ENOX2: variants seen among roughly 807,000 people sequenced by gnomAD.
The protein encoded by ENOX2 is ecto-NOX disulfide-thiol exchanger 2.
In ENOX2, 36 loss-of-function variants were observed where a neutral mutation model predicts 45.0. The observed-to-expected ratio is 0.80, with a 90% CI of 0.61 to 1.06. The LOEUF is 1.06. ENOX2 is among the 50% of genes least tolerant of loss of function. The probability of loss-of-function intolerance (pLI) is 0.00; values close to 1 mark genes in which losing one functional copy is unlikely to be tolerated. For missense variants in ENOX2, 423 were observed against 462.5 expected (o/e 0.91, Z 0.78); for synonymous variants, 174 against 152.3 (o/e 1.14, Z -1.05).
intron 5 of ENOX2, among the ~76,000 whole-genome samples, chrX:130,680,675 T>C (rs769635870): frequency 1.8e-5 from 2 of 112,677 alleles, no homozygotes; most frequent in Non-Finnish European, 1.9e-5. Flanking sequence ...TTTTCTAGTG[T>C]TGGTTTTGTA....
intron 4 of ENOX2, among the ~76,000 whole-genome samples, chrX:130,698,021 G>A (rs983895369): frequency 9.0e-6 from 1 of 111,279 alleles, no homozygotes; most frequent in Non-Finnish European, 1.9e-5. Context: ...ATAGGACCTC[G>A]TTCTTTGTGG....
chrX:130,775,677 G>C (rs2039840014), intron 3 of ENOX2, among the ~76,000 whole-genome samples: 1 of 111,375 alleles, frequency 9.0e-6, no homozygotes, highest in Non-Finnish European at 1.9e-5. Flanking sequence ...TACATTTGAA[G>C]CTAGAGGTGG....
At chrX:130,723,449 T>C (rs1326692407) in intron 3 of ENOX2, among the ~76,000 whole-genome samples, 1 of 112,514 alleles carries the variant, frequency 8.9e-6, no homozygotes, top group African/African-American at 3.2e-5. Flanking sequence ...TTCATTATGA[T>C]GATTCATCTC....
At chrX:130,664,860 G>C (rs923665326) in intron 9 of ENOX2, among the ~76,000 whole-genome samples, 2 of 112,629 alleles carry the variant, frequency 1.8e-5, no homozygotes, top group Admixed American at 1.9e-4. Context: ...TACATGGATA[G>C]ATATAATGGG....
chrX:130,789,713 G>A (rs187587300), intron 2 of ENOX2, among the ~76,000 whole-genome samples: 108 of 112,516 alleles, frequency 9.6e-4, no homozygotes, highest in Non-Finnish European at 1.6e-3. Context: ...TCAGATATGA[G>A]ATTCCATGTT....
intron 3 of ENOX2, among the ~76,000 whole-genome samples, chrX:130,731,400 G>A (rs115304200): frequency 0.022 from 2,477 of 111,421 alleles, 62 homozygotes; most frequent in African/African-American, 0.075. Flanking sequence ...TGTTGCCAGG[G>A]GTAACAAAAG....
chrX:130,802,267 T>C (rs760295123), intron 2 of ENOX2, among the ~76,000 whole-genome samples: 152 of 112,237 alleles, frequency 1.4e-3, no homozygotes, highest in African/African-American at 4.5e-3. Context: ...GCAAGCCACA[T>C]TATTTTTTTT....
rs202188329 is a variant in ENOX2 at position 130,679,555 on chromosome X, G to T, written c.447C>A (p.Ala149=). Residue 149 remains alanine (A), a synonymous_variant, in exon 6 of 15, where the codon GCC becomes GCA. Transcript: ENST00000394363. ...RFAEEYMVDK[A]LYLSGYRIRL... ...CTAAACACCTACCAGACAGATACAG[G>T]GCTTTGTCCACCATGTACTCCTCAG... 8.3e-7 allele frequency: 1 copy of T among 1,206,098 alleles called. No homozygotes were observed. The highest frequency in any genetic ancestry group is 2.2e-5 in the Admixed American group (1 of 45,815).
chrX:130,881,872 G>A (rs1168845263), intron 2 of ENOX2, among the ~76,000 whole-genome samples: 3 of 111,602 alleles, frequency 2.7e-5, no homozygotes, highest in East Asian at 2.8e-4. Context: ...CTCATGCTTC[G>A]GAACAGCTCG....
chrX:130,647,887 A>G (rs1467129650), intron 10 of ENOX2, among the ~76,000 whole-genome samples: 4 of 111,440 alleles, frequency 3.6e-5, no homozygotes, highest in African/African-American at 1.3e-4. Context: ...CCTCCCTTAA[A>G]TAAGTTTTCT....
intron 2 of ENOX2, among the ~76,000 whole-genome samples, chrX:130,825,092 A>C (rs2077693269): frequency 9.0e-6 from 1 of 111,604 alleles, no homozygotes; most frequent in African/African-American, 3.2e-5. Flanking sequence ...TAATAGTAAA[A>C]AATGAGAAGC....
intron 3 of ENOX2, among the ~76,000 whole-genome samples, chrX:130,747,551 C>A (rs868481058): frequency 8.9e-6 from 1 of 112,319 alleles, no homozygotes; most frequent in Non-Finnish European, 1.9e-5. Context: ...TCTGAATTTG[C>A]TTTGGAGTTT....
chrX:130,644,107 T>G (rs2036159687), intron 10 of ENOX2, among the ~76,000 whole-genome samples: 2 of 111,040 alleles, frequency 1.8e-5, no homozygotes, highest in African/African-American at 6.5e-5. Flanking sequence ...AAAAGAAATC[T>G]CAAGAAAAAT....
At chrX:130,698,778 C>T (rs1049062986) in intron 4 of ENOX2, among the ~76,000 whole-genome samples, 1 of 111,494 alleles carries the variant, frequency 9.0e-6, no homozygotes, top group East Asian at 2.8e-4. Context: ...TGAGAACTGC[C>T]TCCTTAAGAA....
At chrX:130,891,490 GTTTTTTTTT>G (rs140444679) in intron 2 of ENOX2, among the ~76,000 whole-genome samples, 3 of 44,565 alleles carry the variant, frequency 6.7e-5, no homozygotes, top group Admixed American at 2.8e-4. Context: ...ACACTATATG[GTTTTTTTTT>G]TTTTTTTTTT....
chrX:130,670,514 C>A (rs376193843), intron 6 of ENOX2, among the ~76,000 whole-genome samples: 1 of 110,451 alleles, frequency 9.1e-6, no homozygotes, highest in African/African-American at 3.3e-5. Context: ...AGGTTGGCTC[C>A]GTGGGTAATA....
chrX:130,900,338 T>C lies in ENOX2; in HGVS notation c.-183+1346A>G, dbSNP rs773153538. 6.2e-5 allele frequency among the ~76,000 whole-genome samples: 7 copies of C among 112,759 alleles called. No homozygotes were observed. The East Asian group carries it at 1.7e-3, about 27-fold the overall frequency. On this transcript the variant is annotated intron_variant, in intron 2 of 14. Coordinates refer to ENST00000394363, the MANE Select transcript of ENOX2 (RefSeq NM_006375.4). ...ATGGCTTAGTTCAGTTTTATGTTTT[T>C]TAAGACATATTTGAACATGTAACTA...
intron 3 of ENOX2, among the ~76,000 whole-genome samples, chrX:130,769,002 T>C (rs983817198): frequency 1.8e-5 from 2 of 111,378 alleles, no homozygotes; most frequent in Non-Finnish European, 3.8e-5. Context: ...AAGTTTTAAA[T>C]TGCACACAAA....
intron 3 of ENOX2, among the ~76,000 whole-genome samples, chrX:130,777,214 T>A (rs780451333): frequency 9.0e-6 from 1 of 110,762 alleles, no homozygotes; most frequent in Non-Finnish European, 1.9e-5. Flanking sequence ...AATGATGGAG[T>A]TTGGCCAGGC....
Sources: allele counts gnomAD v4.1 joint callset (sites outside exome capture counted in the v4.1 genomes callset), GRCh38; gene constraint gnomAD v4.1.1; transcripts MANE v1.5; gene names NCBI Gene and HGNC (gene_info 2026-07-23, HGNC 2026-07-21).